MMP27: variants seen among roughly 807,000 people sequenced by gnomAD.
MMP27 encodes the protein matrix metalloproteinase-27.
In MMP27, 51 loss-of-function variants were observed where a neutral mutation model predicts 48.1. The observed-to-expected ratio is 1.06, with a 90% CI of 0.85 to 1.34. The LOEUF is 1.34. Ranked by LOEUF, MMP27 falls within the 40% of genes most tolerant of loss-of-function variation. MMP27 has a pLI of 0.00. For missense variants in MMP27, 698 were observed against 619.3 expected, an observed-to-expected ratio of 1.13 and a Z score of -1.35; for synonymous variants, 229 against 208.9, an observed-to-expected ratio of 1.10 and a Z score of -0.83.
intron 3 of MMP27, 33 bp downstream of exon 3, chr11:102,702,937 A>G (rs374319896): frequency 6.2e-7 from 1 of 1,612,192 alleles, no homozygotes; most frequent in Non-Finnish European, 8.5e-7. Flanking sequence ...CTCCTGAGAT[A>G]AAAATAGCTT....
chr11:102,692,728 A>C (rs1860748013), intron 9 of MMP27, among the ~76,000 whole-genome samples: 1 of 152,182 alleles, frequency 6.6e-6, no homozygotes, highest in Non-Finnish European at 1.5e-5. Flanking sequence ...GGTACTTTTT[A>C]CATAGATTTG....
intron 4 of MMP27, among the ~76,000 whole-genome samples, chr11:102,698,212 A>C (rs1860869531): frequency 6.6e-6 from 1 of 152,202 alleles, no homozygotes; most frequent in Admixed American, 6.5e-5. Context: ...GAACTTTTAT[A>C]TGACTGGCAG....
rs11225381 is a variant in MMP27, at chr11:102,700,368, A to G, written c.619+2385T>C. Among the ~76,000 whole-genome samples the G allele has an allele frequency of 8.1e-3, 1,237 of 152,352 alleles. 28 individuals are homozygous for G. The highest frequency in any genetic ancestry group is 0.028 in the African/African-American group (1,183 of 41,582). ...TTTTCAAATATTTTTCCTTATGCCT[A>G]GAATGTAATTCCACCCTAGTTATCA... On this transcript the variant is annotated intron_variant, in intron 4 of 9. Coordinates refer to ENST00000260229, the MANE Select transcript of MMP27 (RefSeq NM_022122.3).
intron 4 of MMP27, among the ~76,000 whole-genome samples, chr11:102,702,440 T>C (rs544734634): frequency 6.6e-6 from 1 of 152,360 alleles, no homozygotes; most frequent in South Asian, 2.1e-4. Flanking sequence ...ATCATGAACC[T>C]CTGAAGGCTT....
At chr11:102,692,521 G>T (rs568732596) in intron 9 of MMP27, among the ~76,000 whole-genome samples, 1 of 152,252 alleles carries the variant, frequency 6.6e-6, no homozygotes, top group East Asian at 1.9e-4. Flanking sequence ...CATTGCCTGA[G>T]GTTCTTTTAA....
rs374951001 is a variant in MMP27 at position 102,696,841 on chromosome 11, T to C, written c.620-6A>G. On this transcript the variant is annotated splice_region_variant and splice_polypyrimidine_tract_variant and intron_variant, in intron 4 of 9. Coordinates refer to ENST00000260229, the MANE Select transcript of MMP27 (RefSeq NM_022122.3). ...CACAAGAAACAAGTTGAATCCTTGA[T>C]AATAACAGGGAAAACACGAGCACAT... The C allele has an allele frequency of 4.7e-4, 753 of 1,605,238 alleles. 1 individual carries two copies. The highest frequency in any genetic ancestry group is 5.7e-4 in the Non-Finnish European group (670 of 1,177,566).
At chr11:102,698,419 T>G (rs994476201) in intron 4 of MMP27, among the ~76,000 whole-genome samples, 1 of 151,628 alleles carries the variant, frequency 6.6e-6, no homozygotes. Context: ...CATGGAAAAA[T>G]ATAGCCTAGG....
chr11:102,703,081 C>T lies in MMP27; in HGVS notation c.379G>A (p.Val127Met), dbSNP rs752408756. The T allele has an allele frequency of 1.6e-5, 26 of 1,613,920 alleles. No individual in the cohort carries two copies. The highest frequency in any genetic ancestry group is 2.1e-5 in the Non-Finnish European group (25 of 1,179,988). ...AAACCTTCTTGGATAGCCTCATCCA[C>T]AGCAGCTCGTGCCATATCCGGAGTA... ...NYTPDMARAAVDEAIQEGLEV... is the reference protein window; with the variant it reads ...NYTPDMARAAMDEAIQEGLEV... Residue 127 changes from valine to methionine, a missense_variant, in exon 3 of 10, where the codon GTG (valine) becomes ATG (methionine). Coordinates refer to ENST00000260229, the MANE Select transcript of MMP27 (RefSeq NM_022122.3).
In MMP27 at chr11:102,696,839, G is replaced by C. The variant is rs1342411536; in HGVS notation, c.620-4C>G. 16 of 1,604,844 alleles carry C rather than the reference G, an allele frequency of 1.0e-5. No individual in the cohort carries two copies. The highest frequency in any genetic ancestry group is 1.3e-5 in the African/African-American group (1 of 74,362). On this transcript the variant is annotated splice_region_variant and splice_polypyrimidine_tract_variant and intron_variant, in intron 4 of 9. Transcript: ENST00000260229. ...GCCACAAGAAACAAGTTGAATCCTT[G>C]ATAATAACAGGGAAAACACGAGCAC...
chr11:102,699,782 G>A (rs1860904374), intron 4 of MMP27, among the ~76,000 whole-genome samples: 1 of 152,134 alleles, frequency 6.6e-6, no homozygotes, highest in Admixed American at 6.6e-5. Context: ...TCTTTATTCT[G>A]GCTTTCAAGA....
intron 4 of MMP27, 119 bp downstream of exon 4, chr11:102,702,634 A>C (rs889764429): frequency 8.5e-7 from 1 of 1,177,388 alleles, no homozygotes; most frequent in African/African-American, 1.5e-5. Flanking sequence ...ATCTTGGAAT[A>C]TGGAAAATTG....
chr11:102,697,194 T>C (rs1382003450), intron 4 of MMP27, among the ~76,000 whole-genome samples: 1 of 152,216 alleles, frequency 6.6e-6, no homozygotes, highest in Non-Finnish European at 1.5e-5. Flanking sequence ...TGTAGCACAA[T>C]GGTAAGCAAT....
Position 102,694,027 on chromosome 11 carries a change from G to T in MMP27, c.1072C>A (p.Pro358Thr), listed in dbSNP as rs1002776700. Reference protein sequence around the residue: ...FWMIRGYAVLPDYPKSIHTLG... With the variant: ...FWMIRGYAVLTDYPKSIHTLG... Reference sequence around the variant, plus strand: ...GTATGGATGGATTTGGGATAATCTGGCAAGACAGCATATCCTCTGATCATC... The same window carrying T: ...GTATGGATGGATTTGGGATAATCTGTCAAGACAGCATATCCTCTGATCATC... The change falls in exon 8 of 10, where the codon CCA (proline) becomes ACA (threonine). Residue 358 changes from proline (P) to threonine (T), a missense_variant. Pro to Thr is a conservative substitution (Grantham distance 38, BLOSUM62 -1). Coordinates refer to ENST00000260229, the MANE Select transcript of MMP27 (RefSeq NM_022122.3). 3 of 1,605,490 alleles carry T rather than the reference G, an allele frequency of 1.9e-6. No individual in the cohort carries two copies. The highest frequency in any genetic ancestry group is 2.6e-6 in the Non-Finnish European group (3 of 1,176,088).
intron 9 of MMP27, among the ~76,000 whole-genome samples, chr11:102,692,250 CTG>C (rs1227835059): frequency 6.6e-6 from 1 of 152,186 alleles, no homozygotes; most frequent in Non-Finnish European, 1.5e-5. Flanking sequence ...TCTAGCCAGA[CTG>C]TGGTCTATGC....
At position 102,703,596 on chromosome 11, in the gene MMP27, C is replaced by T. The variant is rs1342997987; in HGVS notation, c.342-478G>A. 6.6e-5 allele frequency among the ~76,000 whole-genome samples: 10 copies of T among 152,142 alleles called. No homozygotes were observed. The South Asian group carries it at 1.9e-3, about 28-fold the overall frequency. ...GGAGTGCAGTGGCGCGACCTCGGCT[C>T]ACTGCAACCTCTGCCTCCCAGGTTC... is the stretch of plus-strand genomic sequence containing the variant. On this transcript the variant is annotated intron_variant, in intron 2 of 9. Coordinates refer to ENST00000260229, the MANE Select transcript of MMP27 (RefSeq NM_022122.3).
At position 102,691,743 on chromosome 11, in the gene MMP27, A is replaced by G. The variant is rs186853581; in HGVS notation, c.*23T>C. The G allele has an allele frequency of 2.2e-5, 34 of 1,524,994 alleles. No individual in the cohort carries two copies. In the Admixed American group the frequency reaches 3.0e-4, roughly 13 times the overall value. 94.5% of individuals were successfully genotyped at this position (1,524,994 alleles called of 1,614,324 possible). On this transcript the variant is annotated 3_prime_UTR_variant, in exon 10 of 10. Transcript: ENST00000260229. ...AGAATTTATATTAAAAGACCTGTTG[A>G]GGTTTATTTTAGGTCTATGAATTTA...
rs1860798060 is a variant in MMP27, at chr11:102,695,034, C to A, written c.966G>T (p.Trp322Cys). The A allele has an allele frequency of 6.2e-7, 1 of 1,613,746 alleles. No homozygotes were observed. Among genetic ancestry groups the A allele is most frequent in the Non-Finnish European group, 8.5e-7 (1 of 1,179,886 alleles). ...DVEFELIASF[W>C]PSLPADLQAA... ...CTTGCAGATCAGCTGGCAGAGATGG[C>A]CAGAATGAAGCAATTAATTCAAACT... The change falls in exon 7 of 10, where the codon TGG becomes TGT. Residue 322 changes from tryptophan (W) to cysteine (C), a missense_variant. Trp to Cys is a radical substitution (Grantham distance 215, BLOSUM62 -2). Coordinates refer to ENST00000260229, the MANE Select transcript of MMP27 (RefSeq NM_022122.3).
intron 7 of MMP27, 24 bp from the exon 8 acceptor site, chr11:102,694,089 T>C: frequency 8.0e-6 from 12 of 1,502,198 alleles, no homozygotes; most frequent in Non-Finnish European, 1.1e-5. Flanking sequence ...AGTGATTATT[T>C]ATTTTCTAGA....
At position 102,696,455 on chromosome 11, in the gene MMP27, G is replaced by T. The variant is rs141726358; in HGVS notation, c.818C>A (p.Pro273His). Residue 273 changes from proline (P) to histidine (H), a missense_variant, in exon 6 of 10, where the codon CCC (proline) becomes CAC (histidine). Coordinates refer to ENST00000260229, the MANE Select transcript of MMP27 (RefSeq NM_022122.3). ...LPKEPAKPKE[P>H]TIPHACDPDL... ...AGGGTCACAGGCATGGGGTATAGTG[G>T]GTTCCTTTGGCTTAGCAGGTTCCTT... is the stretch of plus-strand genomic sequence containing the variant. 6 of 1,613,752 alleles carry T rather than the reference G, an allele frequency of 3.7e-6. No individual in the cohort carries two copies. Among genetic ancestry groups the T allele is most frequent in the Middle Eastern group, 3.3e-4 (2 of 6,058 alleles).
Sources: allele counts gnomAD v4.1 joint callset (sites outside exome capture counted in the v4.1 genomes callset), GRCh38; gene constraint gnomAD v4.1.1; transcripts MANE v1.5; gene names NCBI Gene and HGNC (gene_info 2026-07-23, HGNC 2026-07-21).